ARHGAP24: variants seen among roughly 807,000 people sequenced by gnomAD.
ARHGAP24 encodes rho GTPase-activating protein 24.
Under a neutral mutation model 76.4 loss-of-function variants are expected in ARHGAP24, and 50 were observed. The ratio of observed to expected loss-of-function variants is 0.65; its 90% CI spans 0.52 to 0.83. The LOEUF (loss-of-function observed/expected upper bound fraction) is 0.83. Among genes scored for constraint, ARHGAP24 ranks in the 40% least tolerant of loss-of-function variants. The probability of loss-of-function intolerance (pLI) is 0.00; values close to 1 mark genes in which losing one functional copy is unlikely to be tolerated. For synonymous variants in ARHGAP24, 345 were observed against 323.3 expected (o/e 1.07, Z -0.72); for missense variants, 930 against 914.2 (o/e 1.02, Z -0.22).
At chr4:85,739,614 C>CTTT (rs1185155863) in intron 3 of ARHGAP24, among the ~76,000 whole-genome samples, 156 of 7,478 alleles carry the variant, frequency 0.021, 60 homozygotes, top group Non-Finnish European at 0.03. Flanking sequence ...CACGTTCAAT[C>CTTT]TTTTTTTTTT....
intron 5 of ARHGAP24, among the ~76,000 whole-genome samples, chr4:85,967,614 T>C (rs1249942943): frequency 6.6e-6 from 1 of 152,160 alleles, no homozygotes; most frequent in Non-Finnish European, 1.5e-5. Flanking sequence ...CCTGGTCTGA[T>C]AGCTCTTTCA....
At chr4:85,603,280 G>A (rs1720091900) in intron 2 of ARHGAP24, among the ~76,000 whole-genome samples, 1 of 152,098 alleles carries the variant, frequency 6.6e-6, no homozygotes, top group South Asian at 2.1e-4. Flanking sequence ...ATATGGAGGT[G>A]GTTGACCACC....
chr4:85,939,437 C>A, intron 4 of ARHGAP24, among the ~76,000 whole-genome samples: 1 of 152,100 alleles, frequency 6.6e-6, no homozygotes, highest in South Asian at 2.1e-4. Context: ...TAACCTCAGA[C>A]AAATTATTTC....
chr4:85,923,320 G>A (rs555500432), intron 3 of ARHGAP24, among the ~76,000 whole-genome samples: 42 of 152,192 alleles, frequency 2.8e-4, no homozygotes, highest in African/African-American at 8.9e-4. Context: ...CTTTCATTTT[G>A]TTTTTGCTGT....
intron 3 of ARHGAP24, among the ~76,000 whole-genome samples, chr4:85,794,320 C>T (rs1390880101): frequency 6.6e-6 from 1 of 152,056 alleles, no homozygotes; most frequent in Non-Finnish European, 1.5e-5. Flanking sequence ...TGTTATATGC[C>T]ACTGAAGATT....
At chr4:85,748,400 T>G (rs1726133360) in intron 3 of ARHGAP24, among the ~76,000 whole-genome samples, 1 of 152,238 alleles carries the variant, frequency 6.6e-6, no homozygotes, top group African/African-American at 2.4e-5. Context: ...ATATACAAAA[T>G]CTGGTGAATT....
intron 2 of ARHGAP24, among the ~76,000 whole-genome samples, chr4:85,672,155 T>G (rs1164558738): frequency 1.3e-5 from 2 of 152,146 alleles, no homozygotes; most frequent in African/African-American, 4.8e-5. Context: ...TAAATTTCTC[T>G]TAAAAATACT....
At chr4:85,478,720 G>T (rs1343557174) in intron 1 of ARHGAP24, among the ~76,000 whole-genome samples, 1 of 151,890 alleles carries the variant, frequency 6.6e-6, no homozygotes, top group Non-Finnish European at 1.5e-5. Flanking sequence ...TCAGGCTTCT[G>T]ATCTCTGGTT....
chr4:85,944,775 G>A (rs538132142), intron 5 of ARHGAP24, among the ~76,000 whole-genome samples: 2 of 152,286 alleles, frequency 1.3e-5, no homozygotes, highest in East Asian at 1.9e-4. Flanking sequence ...GAATGCAAAC[G>A]AAAGCCTTTA....
At chr4:85,592,478 T>C (rs7692098) in intron 2 of ARHGAP24, among the ~76,000 whole-genome samples, 301 of 152,362 alleles carry the variant, frequency 2.0e-3, no homozygotes, top group African/African-American at 6.9e-3. Context: ...GTCTTTGTGT[T>C]ACAAACAATC....
intron 3 of ARHGAP24, among the ~76,000 whole-genome samples, chr4:85,891,395 T>C (rs1210866898): frequency 8.1e-6 from 1 of 123,516 alleles, no homozygotes. Context: ...TCCAACACTA[T>C]GTTGAATAGG....
intron 1 of ARHGAP24, among the ~76,000 whole-genome samples, chr4:85,518,189 T>A (rs1446895116): frequency 6.6e-6 from 1 of 152,056 alleles, no homozygotes; most frequent in Non-Finnish European, 1.5e-5. Context: ...ATGTAAGGTG[T>A]TTTTGGAGGC....
chr4:85,561,203 G>C (rs1726583945), intron 1 of ARHGAP24, among the ~76,000 whole-genome samples: 1 of 152,130 alleles, frequency 6.6e-6, no homozygotes, highest in Non-Finnish European at 1.5e-5. Flanking sequence ...GTGGCACCAG[G>C]GAAGCCTTTG....
intron 1 of ARHGAP24, among the ~76,000 whole-genome samples, chr4:85,487,420 TTATATAAA>T (rs1237189930): frequency 2.4e-4 from 25 of 106,212 alleles, no homozygotes; most frequent in African/African-American, 8.8e-4. Flanking sequence ...TTATTATATA[TTATATAAA>T]TATATAAATA....
chr4:85,705,406 G>T (rs969577752), intron 2 of ARHGAP24, among the ~76,000 whole-genome samples: 3 of 152,156 alleles, frequency 2.0e-5, no homozygotes, highest in South Asian at 4.1e-4. Context: ...TTACTTGAAT[G>T]AATATAATAT....
intron 4 of ARHGAP24, among the ~76,000 whole-genome samples, chr4:85,934,663 C>T (rs1736528111): frequency 2.0e-5 from 3 of 152,094 alleles, no homozygotes; most frequent in South Asian, 2.1e-4. Flanking sequence ...TACAGGTGCC[C>T]GCCACCACAC....
intron 2 of ARHGAP24, among the ~76,000 whole-genome samples, chr4:85,605,813 A>G (rs1427107360): frequency 1.3e-5 from 2 of 152,198 alleles, no homozygotes; most frequent in Admixed American, 6.5e-5. Flanking sequence ...CTCAATTTCT[A>G]CAAAGAATAT....
intron 4 of ARHGAP24, among the ~76,000 whole-genome samples, chr4:85,933,701 C>T (rs1736475856): frequency 6.6e-6 from 1 of 152,160 alleles, no homozygotes; most frequent in Non-Finnish European, 1.5e-5. Flanking sequence ...TATAATATGA[C>T]TATTAGCAGT....
At chr4:85,966,853 T>G (rs1738648829) in intron 5 of ARHGAP24, among the ~76,000 whole-genome samples, 2 of 152,160 alleles carry the variant, frequency 1.3e-5, no homozygotes. Flanking sequence ...AATAACTTCC[T>G]GTGTGGGTGC....
Sources: gnomAD v4.1 joint callset for allele counts (sites outside exome capture counted in the v4.1 genomes callset) on GRCh38, gnomAD v4.1.1 for gene constraint, MANE v1.5 for transcripts, NCBI Gene and HGNC (gene_info 2026-07-23, HGNC 2026-07-21) for gene names.